Variants in ROR1 observed in about 807,000 individuals in gnomAD.
ROR1 encodes ROR family WNT receptor 1, also known as inactive tyrosine-protein kinase transmembrane receptor ROR1.
In ROR1, 19 loss-of-function variants were observed where a neutral mutation model predicts 78.8. The observed-to-expected ratio is 0.24, with a 90% CI of 0.17 to 0.35. ROR1 has a LOEUF of 0.35. ROR1 is among the 10% of genes least tolerant of loss of function. The probability of loss-of-function intolerance (pLI) is 1.00; values close to 1 mark genes in which losing one functional copy is unlikely to be tolerated. For missense variants in ROR1, 917 were observed against 1,177.8 expected, an observed-to-expected ratio of 0.78 and a Z score of 3.24; for synonymous variants, 386 against 433.6, an observed-to-expected ratio of 0.89 and a Z score of 1.36.
At chr1:64,060,718 T>C (rs1646910317) in intron 4 of ROR1, among the ~76,000 whole-genome samples, 1 of 151,990 alleles carries the variant, frequency 6.6e-6, no homozygotes, top group Non-Finnish European at 1.5e-5. Flanking sequence ...CTAACCTCCA[T>C]CTCTTCATCA....
At chr1:64,005,325 T>C (rs1368874434) in intron 1 of ROR1, among the ~76,000 whole-genome samples, 3 of 152,328 alleles carry the variant, frequency 2.0e-5, no homozygotes, top group East Asian at 3.9e-4. Context: ...GATGAGAAAA[T>C]AGAAGTTAAA....
chr1:63,979,552 G>A, intron 1 of ROR1, among the ~76,000 whole-genome samples: 1 of 152,208 alleles, frequency 6.6e-6, no homozygotes, highest in East Asian at 1.9e-4. Flanking sequence ...GGAGGGATAG[G>A]TGAGGGGCCA....
intron 4 of ROR1, among the ~76,000 whole-genome samples, chr1:64,073,557 C>T (rs1468496580): frequency 6.6e-6 from 1 of 152,144 alleles, no homozygotes; most frequent in East Asian, 1.9e-4. Flanking sequence ...CTAGAAATTC[C>T]CCAGCTTTGG....
chr1:63,999,441 C>A (rs1003023026), intron 1 of ROR1, among the ~76,000 whole-genome samples: 2 of 152,286 alleles, frequency 1.3e-5, no homozygotes, highest in Middle Eastern at 6.8e-3. Context: ...GCCACATAAG[C>A]CTCATCACCA....
At chr1:63,864,383 C>T (rs1274307496) in intron 1 of ROR1, among the ~76,000 whole-genome samples, 4 of 152,130 alleles carry the variant, frequency 2.6e-5, no homozygotes, top group African/African-American at 4.8e-5. Context: ...CTAAACTTGG[C>T]CAGATCCTCA....
chr1:63,835,163 C>A (rs1177850609), intron 1 of ROR1, among the ~76,000 whole-genome samples: 2 of 152,136 alleles, frequency 1.3e-5, no homozygotes, highest in South Asian at 2.1e-4. Context: ...TAAATCTCAG[C>A]TCTGTTATTT....
chr1:63,971,335 A>C (rs774061668), intron 1 of ROR1, among the ~76,000 whole-genome samples: 12 of 152,212 alleles, frequency 7.9e-5, no homozygotes, highest in Non-Finnish European at 1.5e-4. Flanking sequence ...TAAAGGAGTT[A>C]ATATATGTGT....
intron 5 of ROR1, among the ~76,000 whole-genome samples, chr1:64,137,997 A>G (rs1649173636): frequency 6.6e-6 from 1 of 152,222 alleles, no homozygotes; most frequent in South Asian, 2.1e-4. Flanking sequence ...ATGAAGCAAG[A>G]TGACCATTGG....
At chr1:63,935,569 A>G (rs932036959) in intron 1 of ROR1, among the ~76,000 whole-genome samples, 5 of 152,222 alleles carry the variant, frequency 3.3e-5, no homozygotes, top group African/African-American at 9.6e-5. Flanking sequence ...TTCTGTGGGT[A>G]GTTTACCAAG....
At chr1:63,838,123 TA>T (rs1645029349) in intron 1 of ROR1, among the ~76,000 whole-genome samples, 1 of 152,172 alleles carries the variant, frequency 6.6e-6, no homozygotes, top group Non-Finnish European at 1.5e-5. Flanking sequence ...CCTAATTGTA[TA>T]ATGATAATAG....
chr1:63,912,278 A>G (rs147391504), intron 1 of ROR1, among the ~76,000 whole-genome samples: 43 of 148,644 alleles, frequency 2.9e-4, no homozygotes, highest in African/African-American at 1.1e-3. Flanking sequence ...AGCCTGTTCA[A>G]CAGAGTGAGA....
chr1:64,174,874 T>C (rs1418751854), intron 8 of ROR1, among the ~76,000 whole-genome samples: 2 of 152,084 alleles, frequency 1.3e-5, no homozygotes, highest in Non-Finnish European at 2.9e-5. Context: ...ACCCACACCT[T>C]GCTCTCTCAA....
intron 1 of ROR1, among the ~76,000 whole-genome samples, chr1:63,804,254 A>G (rs1644815110): frequency 6.6e-6 from 1 of 152,148 alleles, no homozygotes; most frequent in Admixed American, 6.5e-5. Context: ...AAAATTGCAC[A>G]GAACGCACAC....
At chr1:64,007,883 G>A (rs778681409) in intron 1 of ROR1, among the ~76,000 whole-genome samples, 1 of 151,468 alleles carries the variant, frequency 6.6e-6, no homozygotes, top group African/African-American at 2.4e-5. Context: ...GTTTGATTAT[G>A]TGTGGTCATT....
chr1:64,145,725 C>T (rs181080375), intron 7 of ROR1, among the ~76,000 whole-genome samples: 11 of 152,262 alleles, frequency 7.2e-5, no homozygotes, highest in African/African-American at 2.6e-4. Context: ...ATTCCTTCTC[C>T]TAAACCAGGT....
chr1:63,843,325 C>T, intron 1 of ROR1: 1 of 1,138,558 alleles, frequency 8.8e-7, no homozygotes, highest in Non-Finnish European at 1.3e-6. Flanking sequence ...TTGACGGCGT[C>T]CTTGGAGCTG....
At chr1:63,977,644 A>G (rs1646172549) in intron 1 of ROR1, among the ~76,000 whole-genome samples, 1 of 152,220 alleles carries the variant, frequency 6.6e-6, no homozygotes, top group African/African-American at 2.4e-5. Context: ...ATACTTAAGC[A>G]TCTTCCTCTG....
chr1:63,787,476 T>TCCTTCCTTCCTGCCTTCCTG (rs1331155403), intron 1 of ROR1, among the ~76,000 whole-genome samples: 1,425 of 132,426 alleles, frequency 0.011, 10 homozygotes, highest in African/African-American at 0.015. Flanking sequence ...CTTCCTTCCT[T>TCCTTCCTTCCTGCCTTCCTG]CCTTCCTGCC....
rs56388192 is a variant in ROR1, at chr1:63,968,469, G to GTT, written c.92-40828_92-40827dup. On this transcript the variant is annotated intron_variant, in intron 1 of 8. Transcript: ENST00000371079. ...TTCTCTTATTAACACTTCTCTTTCT[G>GTT]TTTTTTTTTACAATGAGTATTATTT... Among the ~76,000 whole-genome samples, 349 of 150,612 alleles carry GTT rather than the reference G, an allele frequency of 2.3e-3. 3 individuals carry two copies. The highest frequency in any genetic ancestry group is 0.017 in the Middle Eastern group (5 of 292).
Sources: allele counts gnomAD v4.1 joint callset (sites outside exome capture counted in the v4.1 genomes callset), GRCh38; gene constraint gnomAD v4.1.1; transcripts MANE v1.5; gene names NCBI Gene and HGNC (gene_info 2026-07-23, HGNC 2026-07-21).